IMMP2L: variants seen among roughly 807,000 people sequenced by gnomAD.
IMMP2L encodes mitochondrial inner membrane protease subunit 2.
IMMP2L carries 18 observed loss-of-function variants against 19.3 expected under a neutral mutation model. The observed-to-expected ratio is 0.93, with a 90% CI of 0.64 to 1.38. The LOEUF (loss-of-function observed/expected upper bound fraction) is 1.38, where lower values mean the gene tolerates loss of function less well. Among genes scored for constraint, IMMP2L ranks in the 40% most tolerant of loss-of-function variants. The pLI, the probability that IMMP2L is intolerant of heterozygous loss-of-function variation, is 0.00. For synonymous variants in IMMP2L, 76 were observed against 73.0 expected, an observed-to-expected ratio of 1.04 and a Z score of -0.21; for missense variants, 233 against 218.2, an observed-to-expected ratio of 1.07 and a Z score of -0.43.
intron 3 of IMMP2L, among the ~76,000 whole-genome samples, chr7:111,048,487 T>C (rs1792671305): frequency 6.6e-6 from 1 of 151,988 alleles, no homozygotes; most frequent in Non-Finnish European, 1.5e-5. Context: ...CCATAGTTGC[T>C]TCTATTCTGT....
intron 2 of IMMP2L, among the ~76,000 whole-genome samples, chr7:111,488,668 G>T (rs1842847558): frequency 6.6e-6 from 1 of 152,030 alleles, no homozygotes; most frequent in African/African-American, 2.4e-5. Context: ...TTCATATAAT[G>T]AGTTATTTTT....
rs1044729 is a variant in IMMP2L, at chr7:110,663,471, T to C, written c.*131A>G. On this transcript the variant is annotated 3_prime_UTR_variant, in exon 6 of 6. Transcript: ENST00000405709. Reference sequence around the variant, plus strand: ...TTATTTATTTAATAATACAGATCGTTTTAATGTGCTGTAAATATTTCTCGC... The same window carrying C: ...TTATTTATTTAATAATACAGATCGTCTTAATGTGCTGTAAATATTTCTCGC... 246,372 of 720,858 alleles carry C rather than the reference T, an allele frequency of 0.34. 45,965 individuals are homozygous for C. Among genetic ancestry groups the C allele is most frequent in the African/African-American group, 0.61 (33,892 of 55,438 alleles). The allele number at this position is 720,858 out of a possible 1,614,324, so 44.7% of individuals were successfully genotyped here. A position where few individuals can be genotyped will look rare whatever the true frequency, so the allele number is the denominator to read the frequency against.
At chr7:111,380,880 A>G (rs1432743714) in intron 3 of IMMP2L, among the ~76,000 whole-genome samples, 2 of 151,222 alleles carry the variant, frequency 1.3e-5, no homozygotes, top group Non-Finnish European at 2.9e-5. Flanking sequence ...ATTCTCCACA[A>G]AAAAGTAACA....
At chr7:110,941,937 T>A (rs1226238364) in intron 4 of IMMP2L, among the ~76,000 whole-genome samples, 1 of 150,854 alleles carries the variant, frequency 6.6e-6, no homozygotes, top group African/African-American at 2.4e-5. Flanking sequence ...GAAACAGCTA[T>A]CCTTTAGTAC....
chr7:111,300,843 T>G (rs1324156020), intron 3 of IMMP2L, among the ~76,000 whole-genome samples: 1 of 152,178 alleles, frequency 6.6e-6, no homozygotes, highest in Non-Finnish European at 1.5e-5. Context: ...CCACTGACAG[T>G]TGCAGAACAT....
At chr7:111,225,691 C>CAAAAAA (rs36112021) in intron 3 of IMMP2L, among the ~76,000 whole-genome samples, 3 of 112,642 alleles carry the variant, frequency 2.7e-5, no homozygotes, top group African/African-American at 6.5e-5. Flanking sequence ...GAGATAGAGC[C>CAAAAAA]AAAAAAAAAA....
rs71147477 is a variant in IMMP2L at position 111,485,597 on chromosome 7, C to CAAAAAAAAA, written c.239+1632_239+1640dup. Among the ~76,000 whole-genome samples the CAAAAAAAAA allele has an allele frequency of 1.5e-3, 77 of 50,558 alleles. 9 individuals are homozygous for CAAAAAAAAA. Among genetic ancestry groups the CAAAAAAAAA allele is most frequent in the African/African-American group, 6.3e-3 (73 of 11,654 alleles). The allele number at this position is 50,558 out of a possible 152,430, so 33.2% of individuals were successfully genotyped here. On this transcript the variant is annotated intron_variant, in intron 3 of 5. Coordinates refer to ENST00000405709, the MANE Select transcript of IMMP2L (RefSeq NM_032549.4). Reference sequence around the variant, plus strand: ...TGCGCAACAGAGCGAGACTCTGTTTCAAAAAAAAAAAAAAAAAAAAAAAAA... The same window carrying CAAAAAAAAA: ...TGCGCAACAGAGCGAGACTCTGTTTCAAAAAAAAAAAAAAAAAAAAAAAAAAAAAAAAAA...
At chr7:111,229,097 A>C (rs1813431330) in intron 3 of IMMP2L, among the ~76,000 whole-genome samples, 1 of 151,792 alleles carries the variant, frequency 6.6e-6, no homozygotes, top group African/African-American at 2.4e-5. Context: ...ACAATTTACC[A>C]ACACACTAAC....
chr7:111,201,701 G>A lies in IMMP2L; in HGVS notation c.240-238136C>T, dbSNP rs547617328. Among the ~76,000 whole-genome samples, 8 of 149,038 alleles carry A rather than the reference G, an allele frequency of 5.4e-5. No individual in the cohort carries two copies. The South Asian group carries it at 1.7e-3, about 32-fold the overall frequency. ...ACTGCACTCCAGCCTTGGCAACAGAGCAAGACCCTGTCTCAAAAAAAAAAA... is the reference window on the plus strand; with the variant it reads ...ACTGCACTCCAGCCTTGGCAACAGAACAAGACCCTGTCTCAAAAAAAAAAA... On this transcript the variant is annotated intron_variant, in intron 3 of 5. Coordinates refer to ENST00000405709, the MANE Select transcript of IMMP2L (RefSeq NM_032549.4).
chr7:111,438,889 T>C (rs1455416416), intron 3 of IMMP2L, among the ~76,000 whole-genome samples: 1 of 151,888 alleles, frequency 6.6e-6, no homozygotes, highest in African/African-American at 2.4e-5. Flanking sequence ...TCTTCACAAA[T>C]ATGAACTAAA....
intron 3 of IMMP2L, among the ~76,000 whole-genome samples, chr7:111,138,901 CTG>C (rs1306880322): frequency 6.6e-6 from 1 of 152,038 alleles, no homozygotes; most frequent in Non-Finnish European, 1.5e-5. Flanking sequence ...CAGAGATTGC[CTG>C]TATTTATTTT....
intron 5 of IMMP2L, among the ~76,000 whole-genome samples, chr7:110,704,209 A>T (rs964040724): frequency 1.1e-4 from 17 of 152,142 alleles, no homozygotes; most frequent in African/African-American, 4.1e-4. Context: ...TGTCAACATA[A>T]CTATATTTGT....
chr7:110,802,142 T>C (rs1363593906), intron 5 of IMMP2L, among the ~76,000 whole-genome samples: 2 of 152,044 alleles, frequency 1.3e-5, no homozygotes, highest in Non-Finnish European at 2.9e-5. Context: ...CATCTTTGAA[T>C]ATAGATAAGA....
chr7:111,448,499 T>C (rs1476237407), intron 3 of IMMP2L, among the ~76,000 whole-genome samples: 2 of 141,494 alleles, frequency 1.4e-5, no homozygotes, highest in African/African-American at 5.3e-5. Context: ...AAAGATGTTC[T>C]TTGAAACCAA....
chr7:110,833,212 G>T (rs1804124283), intron 5 of IMMP2L, among the ~76,000 whole-genome samples: 1 of 152,106 alleles, frequency 6.6e-6, no homozygotes, highest in Non-Finnish European at 1.5e-5. Flanking sequence ...GCTGAGGCAG[G>T]CAGATTATCT....
intron 5 of IMMP2L, among the ~76,000 whole-genome samples, chr7:110,750,657 G>C (rs1439156923): frequency 3.9e-5 from 6 of 152,016 alleles, no homozygotes; most frequent in Admixed American, 3.9e-4. Flanking sequence ...TGACAAAATT[G>C]TAATTGTAAT....
chr7:111,310,095 CA>C (rs1223839421), intron 3 of IMMP2L, among the ~76,000 whole-genome samples: 8 of 151,814 alleles, frequency 5.3e-5, no homozygotes. Flanking sequence ...ACTAGCTGGG[CA>C]TGGTGGTGTG....
intron 3 of IMMP2L, among the ~76,000 whole-genome samples, chr7:111,445,893 G>A (rs970565153): frequency 2.0e-5 from 3 of 152,202 alleles, no homozygotes; most frequent in Non-Finnish European, 1.5e-5. Flanking sequence ...TGCCTCACCT[G>A]GGAAGCGCAA....
intron 3 of IMMP2L, among the ~76,000 whole-genome samples, chr7:111,366,627 A>G (rs1829787777): frequency 6.6e-6 from 1 of 152,016 alleles, no homozygotes; most frequent in Non-Finnish European, 1.5e-5. Context: ...CTGACACTGG[A>G]TATTATACTG....
Sources: allele counts gnomAD v4.1 joint callset (sites outside exome capture counted in the v4.1 genomes callset), GRCh38; gene constraint gnomAD v4.1.1; transcripts MANE v1.5; gene names NCBI Gene and HGNC (gene_info 2026-07-23, HGNC 2026-07-21).